The following BBS9 variants were observed in gnomAD, a reference collection of about 807,000 sequenced individuals.
The protein encoded by BBS9 is Bardet-Biedl syndrome 9.
A neutral mutation model predicts 117.7 loss-of-function variants in BBS9; 89 were observed. The observed-to-expected ratio is 0.76, with a 90% CI of 0.64 to 0.90. BBS9 has a LOEUF of 0.90. BBS9 is among the 40% of genes least tolerant of loss of function. The pLI is 0.00. For missense variants in BBS9, 982 were observed against 1,042.2 expected (o/e 0.94, Z 0.80); for synonymous variants, 379 against 370.9 (o/e 1.02, Z -0.25).
intron 1 of BBS9, among the ~76,000 whole-genome samples, chr7:33,142,154 C>G (rs1791577821): frequency 6.6e-6 from 1 of 152,096 alleles, no homozygotes; most frequent in Admixed American, 6.6e-5. Flanking sequence ...ATCTCCTGAC[C>G]TCGTGATCCG....
At chr7:33,157,364 T>G (rs1794248633) in intron 4 of BBS9, among the ~76,000 whole-genome samples, 1 of 152,204 alleles carries the variant, frequency 6.6e-6, no homozygotes, top group Non-Finnish European at 1.5e-5. Flanking sequence ...GAATGGTGAT[T>G]TTATAGCTCT....
chr7:33,240,477 A>G (rs956815741), intron 5 of BBS9, among the ~76,000 whole-genome samples: 1 of 152,008 alleles, frequency 6.6e-6, no homozygotes, highest in Non-Finnish European at 1.5e-5. Context: ...GATGGCCTTG[A>G]ACTTGGCTCA....
chr7:33,165,432 T>C (rs1246794357), intron 4 of BBS9, among the ~76,000 whole-genome samples: 2 of 152,216 alleles, frequency 1.3e-5, no homozygotes, highest in African/African-American at 4.8e-5. Context: ...GTTTTCCAAC[T>C]TGGTTCCATT....
intron 20 of BBS9, among the ~76,000 whole-genome samples, chr7:33,524,557 C>T (rs910372256): frequency 3.9e-5 from 6 of 152,190 alleles, no homozygotes; most frequent in Non-Finnish European, 8.8e-5. Flanking sequence ...GCAGTATTCT[C>T]TGATGGTAGT....
chr7:33,415,275 A>G (rs1831804575), intron 19 of BBS9, among the ~76,000 whole-genome samples: 1 of 152,218 alleles, frequency 6.6e-6, no homozygotes, highest in Admixed American at 6.5e-5. Context: ...GTTAGGGAGA[A>G]AGCTAATAGA....
chr7:33,629,889 C>G (rs1865805504), intron 21 of BBS9, among the ~76,000 whole-genome samples: 1 of 152,182 alleles, frequency 6.6e-6, no homozygotes, highest in Non-Finnish European at 1.5e-5. Flanking sequence ...CTGAGTTCCT[C>G]TAAAACTCCT....
intron 5 of BBS9, among the ~76,000 whole-genome samples, chr7:33,212,916 A>G (rs1276558466): frequency 6.6e-6 from 1 of 152,108 alleles, no homozygotes; most frequent in Non-Finnish European, 1.5e-5. Context: ...TGGTGATGCA[A>G]GCAGTCTTGT....
chr7:33,492,609 G>A (rs1246447272), intron 19 of BBS9, among the ~76,000 whole-genome samples: 1 of 152,188 alleles, frequency 6.6e-6, no homozygotes, highest in African/African-American at 2.4e-5. Context: ...AAGGAGTAAT[G>A]TGCAGGACTT....
At chr7:33,527,409 GC>G (rs946538189) in intron 20 of BBS9, among the ~76,000 whole-genome samples, 102 of 152,268 alleles carry the variant, frequency 6.7e-4, no homozygotes, top group Non-Finnish European at 1.1e-3. Flanking sequence ...GACTCCGTGG[GC>G]GTAGGACCCT....
In BBS9 at chr7:33,149,527, A is replaced by G. The variant is rs79510480; in HGVS notation, c.112+3163A>G. Among the ~76,000 whole-genome samples the G allele has an allele frequency of 3.0e-4, 46 of 152,316 alleles. 1 individual carries two copies. In the East Asian group the frequency reaches 8.9e-3, roughly 29 times the overall value. ...GGCACTTACTTTCCTAATTCTCTCA[A>G]CTCAAGATTCAGACTCTTGAGAGAG... On this transcript the variant is annotated intron_variant, in intron 2 of 22. Transcript: ENST00000242067.
At chr7:33,617,054 A>T (rs1251501276) in intron 21 of BBS9, among the ~76,000 whole-genome samples, 8 of 152,026 alleles carry the variant, frequency 5.3e-5, no homozygotes, top group East Asian at 3.9e-4. Flanking sequence ...CTTTTTTTTT[A>T]AATAAACGGG....
At chr7:33,611,157 C>T (rs964637726) in intron 21 of BBS9, among the ~76,000 whole-genome samples, 1 of 151,942 alleles carries the variant, frequency 6.6e-6, no homozygotes, top group African/African-American at 2.4e-5. Context: ...TAACAGGCTA[C>T]AGTAATCATG....
At chr7:33,532,619 A>G (rs1366502939) in intron 20 of BBS9, among the ~76,000 whole-genome samples, 2 of 152,132 alleles carry the variant, frequency 1.3e-5, no homozygotes, top group Non-Finnish European at 2.9e-5. Flanking sequence ...TCCATGATTC[A>G]GTTACCTCCC....
At chr7:33,245,148 G>A (rs1441414110) in intron 5 of BBS9, among the ~76,000 whole-genome samples, 2 of 151,806 alleles carry the variant, frequency 1.3e-5, no homozygotes, top group Admixed American at 1.3e-4. Flanking sequence ...GTCCACTTTG[G>A]GCTTCCACAA....
chr7:33,604,081 A>G lies in BBS9; in HGVS notation c.2522-784A>G, dbSNP rs79419291. ...AAGAAATCACACTTCATTAACAAGA[A>G]GAATGGCTTCGGAAAAAAGCATGTA... On this transcript the variant is annotated intron_variant, in intron 21 of 22. Transcript: ENST00000242067. Among the ~76,000 whole-genome samples, 868 of 152,324 alleles carry G rather than the reference A, an allele frequency of 5.7e-3. 23 individuals carry two copies. The East Asian group carries it at 0.088, about 15-fold the overall frequency.
chr7:33,561,968 G>A (rs1856151241), intron 21 of BBS9, among the ~76,000 whole-genome samples: 1 of 152,140 alleles, frequency 6.6e-6, no homozygotes, highest in Admixed American at 6.5e-5. Flanking sequence ...AAAAATAGTC[G>A]TTATTAATTT....
chr7:33,484,068 C>A (rs1163389058), intron 19 of BBS9, among the ~76,000 whole-genome samples: 6 of 152,284 alleles, frequency 3.9e-5, no homozygotes, highest in Non-Finnish European at 7.4e-5. Context: ...AGAAAAAGTT[C>A]TGAAATGTGA....
At chr7:33,318,421 A>T (rs1340545397) in intron 9 of BBS9, among the ~76,000 whole-genome samples, 1 of 152,142 alleles carries the variant, frequency 6.6e-6, no homozygotes, top group East Asian at 1.9e-4. Context: ...ATTTTGGCTT[A>T]AATGTCACTT....
At chr7:33,342,017 T>C (rs1816669469) in intron 11 of BBS9, among the ~76,000 whole-genome samples, 3 of 152,094 alleles carry the variant, frequency 2.0e-5, no homozygotes. Flanking sequence ...TTGAATTCAC[T>C]CATTTTACAA....
Sources: allele counts gnomAD v4.1 joint callset (sites outside exome capture counted in the v4.1 genomes callset), GRCh38; gene constraint gnomAD v4.1.1; transcripts MANE v1.5; gene names NCBI Gene and HGNC (gene_info 2026-07-23, HGNC 2026-07-21).